The following PAX7 variants were observed in gnomAD, a reference collection of about 807,000 sequenced individuals.
The protein encoded by PAX7 is paired box 7.
In PAX7, 18 loss-of-function variants were observed where a neutral mutation model predicts 50.7. That is an observed-to-expected ratio of 0.36 (90% CI 0.25 to 0.53). The LOEUF is 0.53. Among genes scored for constraint, PAX7 ranks in the 20% least tolerant of loss-of-function variants. The probability of loss-of-function intolerance (pLI) is 0.93; values close to 1 mark genes in which losing one functional copy is unlikely to be tolerated. For synonymous variants in PAX7, 310 were observed against 290.4 expected, an observed-to-expected ratio of 1.07 and a Z score of -0.69; for missense variants, 644 against 702.9, an observed-to-expected ratio of 0.92 and a Z score of 0.95.
At chr1:18,697,346 T>C (rs919409686) in intron 5 of PAX7, among the ~76,000 whole-genome samples, 2 of 152,208 alleles carry the variant, frequency 1.3e-5, no homozygotes, top group Admixed American at 1.3e-4. Context: ...TTTCCCTCTC[T>C]GTAAACGGGC....
chr1:18,741,505 G>A (rs545857026), intron 8 of PAX7, among the ~76,000 whole-genome samples: 1 of 152,004 alleles, frequency 6.6e-6, no homozygotes, highest in Admixed American at 6.5e-5. Flanking sequence ...TCCTGAAGGT[G>A]ATGGATGCCC....
At chr1:18,643,215 A>G (rs1482418773) in intron 4 of PAX7, among the ~76,000 whole-genome samples, 1 of 152,134 alleles carries the variant, frequency 6.6e-6, no homozygotes, top group African/African-American at 2.4e-5. Flanking sequence ...TGCGAGGGGC[A>G]CTGGGGCCGC....
At chr1:18,660,138 G>A (rs1308335488) in intron 4 of PAX7, among the ~76,000 whole-genome samples, 2 of 152,150 alleles carry the variant, frequency 1.3e-5, no homozygotes, top group East Asian at 1.9e-4. Context: ...TCAGGGGAGG[G>A]GCCCCTAGGA....
chr1:18,688,731 T>C (rs1032003750), intron 4 of PAX7, among the ~76,000 whole-genome samples: 2 of 152,088 alleles, frequency 1.3e-5, no homozygotes, highest in Admixed American at 6.5e-5. Context: ...CTGGCCAACA[T>C]GGCAAAACCC....
At chr1:18,694,298 A>G (rs1417151548) in intron 5 of PAX7, among the ~76,000 whole-genome samples, 1 of 151,958 alleles carries the variant, frequency 6.6e-6, no homozygotes, top group African/African-American at 2.4e-5. Flanking sequence ...TGTCTCTACT[A>G]AAAATACAAA....
intron 4 of PAX7, among the ~76,000 whole-genome samples, chr1:18,638,326 A>T (rs924873597): frequency 6.6e-6 from 1 of 152,212 alleles, no homozygotes; most frequent in African/African-American, 2.4e-5. Context: ...GGGGCGTTCC[A>T]TGCTGGCCTG....
At chr1:18,637,881 C>A (rs1004013539) in intron 4 of PAX7, among the ~76,000 whole-genome samples, 4 of 152,250 alleles carry the variant, frequency 2.6e-5, no homozygotes, top group Admixed American at 6.5e-5. Context: ...TGTGCCCGGC[C>A]TGCCGAGGGG....
At chr1:18,685,907 A>G (rs2088967117) in intron 4 of PAX7, among the ~76,000 whole-genome samples, 2 of 152,044 alleles carry the variant, frequency 1.3e-5, no homozygotes, top group African/African-American at 4.8e-5. Context: ...ATCCATCACC[A>G]TCACCATCAC....
At chr1:18,641,266 G>A (rs1458450588) in intron 4 of PAX7, among the ~76,000 whole-genome samples, 4 of 152,246 alleles carry the variant, frequency 2.6e-5, no homozygotes, top group Non-Finnish European at 4.4e-5. Context: ...AAACAAGGGA[G>A]AACAGGCGAG....
At chr1:18,653,479 G>A (rs144648174) in intron 4 of PAX7, among the ~76,000 whole-genome samples, 5 of 152,240 alleles carry the variant, frequency 3.3e-5, no homozygotes, top group Admixed American at 1.3e-4. Context: ...GGTTGTTGGT[G>A]TGCTGGTGGC....
At chr1:18,704,756 G>A (rs1292122453) in intron 7 of PAX7, among the ~76,000 whole-genome samples, 1 of 151,444 alleles carries the variant, frequency 6.6e-6, no homozygotes, top group Non-Finnish European at 1.5e-5. Flanking sequence ...TTAATTTTCT[G>A]CTTGTCTGGA....
intron 4 of PAX7, among the ~76,000 whole-genome samples, chr1:18,681,164 TAAAAAAAAAAAAAAA>T (rs143668000): frequency 3.0e-5 from 2 of 67,380 alleles, no homozygotes; most frequent in Admixed American, 2.0e-4. Flanking sequence ...CAAAACTCCG[TAAAAAAAAAAAAAAA>T]AAAAAAAAAA....
chr1:18,724,747 G>A (rs181361640), intron 7 of PAX7, among the ~76,000 whole-genome samples: 10 of 152,296 alleles, frequency 6.6e-5, no homozygotes, highest in African/African-American at 2.2e-4. Flanking sequence ...TAGAGCCTCC[G>A]TTTCCTGATC....
At chr1:18,730,079 G>T (rs1400739592) in intron 7 of PAX7, among the ~76,000 whole-genome samples, 1 of 152,126 alleles carries the variant, frequency 6.6e-6, no homozygotes, top group East Asian at 1.9e-4. Context: ...GGTGAAAAAG[G>T]AAGGGGAGGG....
chr1:18,744,688 A>AT (rs1557564690), intron 8 of PAX7, 126 bp from the exon 9 acceptor site: 1 of 322,472 alleles, frequency 3.1e-6, no homozygotes, highest in African/African-American at 3.4e-5. Flanking sequence ...ATGGATGGAT[A>AT]AATGGATGGA....
intron 5 of PAX7, among the ~76,000 whole-genome samples, chr1:18,699,231 C>A (rs1039688334): frequency 3.3e-5 from 5 of 152,204 alleles, no homozygotes; most frequent in African/African-American, 9.7e-5. Context: ...AGGAGCAGCA[C>A]AGCCAAGAAA....
At chr1:18,742,388 C>A (rs1931196889) in intron 8 of PAX7, among the ~76,000 whole-genome samples, 1 of 152,158 alleles carries the variant, frequency 6.6e-6, no homozygotes, top group Admixed American at 6.5e-5. Flanking sequence ...AATCTCCTGA[C>A]CTCGTGATCC....
chr1:18,744,659 CGGATGGATGGAT>C (rs57915192), intron 8 of PAX7, among the ~76,000 whole-genome samples, 143 bp from the exon 9 acceptor site: 3 of 90,912 alleles, frequency 3.3e-5, no homozygotes, highest in Admixed American at 1.1e-4. Flanking sequence ...GTAGACAGGA[CGGATGGATGGAT>C]GGATGGATGG....
chr1:18,693,577 C>G (rs2100300878), intron 5 of PAX7, among the ~76,000 whole-genome samples: 1 of 152,324 alleles, frequency 6.6e-6, no homozygotes, highest in Non-Finnish European at 1.5e-5. Flanking sequence ...CCAGCGGACA[C>G]CCCTCCGCCC....
Sources: allele counts gnomAD v4.1 joint callset (sites outside exome capture counted in the v4.1 genomes callset), GRCh38; gene constraint gnomAD v4.1.1; transcripts MANE v1.5; gene names NCBI Gene and HGNC (gene_info 2026-07-23, HGNC 2026-07-21).